Variants in RNF38 observed in about 807,000 individuals in gnomAD.
RNF38 encodes E3 ubiquitin-protein ligase RNF38.
In RNF38, 15 loss-of-function variants were observed where a neutral mutation model predicts 67.2. The observed-to-expected ratio is 0.22, with a 90% confidence interval of 0.15 to 0.34. The LOEUF is 0.34. Among genes scored for constraint, RNF38 ranks in the 10% least tolerant of loss-of-function variants. The probability of loss-of-function intolerance (pLI) is 1.00; values close to 1 mark genes in which losing one functional copy is unlikely to be tolerated. For missense variants in RNF38, 524 were observed against 639.9 expected (o/e 0.82, Z 1.95); for synonymous variants, 220 against 218.8 (o/e 1.01, Z -0.05).
At chr9:36,353,866 T>C (rs1206411594) in intron 6 of RNF38, among the ~76,000 whole-genome samples, 1 of 152,200 alleles carries the variant, frequency 6.6e-6, no homozygotes, top group Non-Finnish European at 1.5e-5. Context: ...TCAGATAAAT[T>C]ACTTAATCTG....
intron 1 of RNF38, among the ~76,000 whole-genome samples, chr9:36,463,080 C>G (rs757948539): frequency 1.3e-5 from 2 of 152,048 alleles, no homozygotes; most frequent in African/African-American, 2.4e-5. Context: ...ATTTAAATAG[C>G]ACCTGCTTTC....
intron 2 of RNF38, among the ~76,000 whole-genome samples, chr9:36,422,238 T>C (rs1564056523): frequency 6.6e-6 from 1 of 150,696 alleles, no homozygotes; most frequent in East Asian, 1.9e-4. Context: ...CTCAAAATAA[T>C]AAACAAACAA....
Position 36,376,050 on chromosome 9 carries a change from G to A in RNF38, c.240C>T (p.Pro80=). 13 of 1,613,416 alleles carry A rather than the reference G, an allele frequency of 8.1e-6. No homozygotes were observed. Among genetic ancestry groups the A allele is most frequent in the Non-Finnish European group, 1.1e-5 (13 of 1,179,776 alleles). The change falls in exon 3 of 12, where the codon CCC becomes CCT. Residue 80 remains proline, a synonymous_variant. Coordinates refer to ENST00000259605, the MANE Select transcript of RNF38 (RefSeq NM_022781.5). The part of the protein sequence containing the change: ...VFDYTSASPA[P]SPPMRPWEMT... ...TCTCCCATGGTCGCATTGGTGGTGA[G>A]GGAGCTGGTGATGCTGATGTATAAT... is the stretch of plus-strand genomic sequence containing the variant.
chr9:36,422,238 T>TAAAC (rs572681613), intron 2 of RNF38, among the ~76,000 whole-genome samples: 62 of 150,814 alleles, frequency 4.1e-4, no homozygotes, highest in East Asian at 1.8e-3. Context: ...CTCAAAATAA[T>TAAAC]AAACAAACAA....
At chr9:36,389,215 G>A (rs1222168560) in intron 2 of RNF38, among the ~76,000 whole-genome samples, 1 of 151,962 alleles carries the variant, frequency 6.6e-6, no homozygotes, top group Admixed American at 6.6e-5. Context: ...ACACTCAAAT[G>A]CAATTGGCTC....
intron 2 of RNF38, among the ~76,000 whole-genome samples, chr9:36,378,656 G>C (rs527925972): frequency 1.3e-5 from 2 of 152,068 alleles, no homozygotes; most frequent in Non-Finnish European, 2.9e-5. Flanking sequence ...TCACGATAAA[G>C]GTCAAATGAC....
At chr9:36,425,219 T>C (rs1362739129) in intron 1 of RNF38, among the ~76,000 whole-genome samples, 1 of 152,220 alleles carries the variant, frequency 6.6e-6, no homozygotes, top group Non-Finnish European at 1.5e-5. Flanking sequence ...TCTTTAATAA[T>C]AGTTACATTT....
At chr9:36,487,238 A>G in intron 1 of RNF38, 1 of 926,624 alleles carries the variant, frequency 1.1e-6, no homozygotes, top group Non-Finnish European at 1.3e-6. Context: ...CCTGGACCAC[A>G]CGCCTCCGGC....
intron 2 of RNF38, among the ~76,000 whole-genome samples, chr9:36,384,344 G>A (rs1836435216): frequency 1.3e-5 from 2 of 152,212 alleles, no homozygotes; most frequent in Admixed American, 1.3e-4. Context: ...AACAGCTGAA[G>A]CTCAGAGGGT....
At chr9:36,357,105 T>C (rs1003343672) in intron 5 of RNF38, among the ~76,000 whole-genome samples, 1 of 152,194 alleles carries the variant, frequency 6.6e-6, no homozygotes, top group African/African-American at 2.4e-5. Flanking sequence ...TTGTTGACCT[T>C]AGATACATCA....
rs961218043 is a variant in RNF38 at position 36,339,478 on chromosome 9, A to G, written c.*274T>C. The G allele has an allele frequency of 8.8e-5, 37 of 418,664 alleles. No individual in the cohort carries two copies. Among genetic ancestry groups the G allele is most frequent in the African/African-American group, 6.7e-4 (34 of 50,982 alleles). 25.9% of individuals were successfully genotyped at this position (418,664 alleles called of 1,614,324 possible). A position where few individuals can be genotyped will look rare whatever the true frequency, so the allele number is the denominator to read the frequency against. ...TAATCTTGCAGCAACACTCGGAATG[A>G]TCACACAAAAACCAGGGAATGTTAG... On this transcript the variant is annotated 3_prime_UTR_variant, in exon 12 of 12. Coordinates refer to ENST00000259605, the MANE Select transcript of RNF38 (RefSeq NM_022781.5).
chr9:36,372,520 T>C, intron 3 of RNF38: 2 of 715,104 alleles, frequency 2.8e-6, no homozygotes, highest in Non-Finnish European at 5.2e-6. Context: ...TCCTGCTAGA[T>C]TATTGTTAAA....
At chr9:36,473,828 T>C (rs1208394045) in intron 1 of RNF38, among the ~76,000 whole-genome samples, 1 of 148,272 alleles carries the variant, frequency 6.7e-6, no homozygotes, top group East Asian at 2.0e-4. Context: ...CTACTAAAAA[T>C]ACAAAAAAAT....
At chr9:36,485,859 T>G (rs1298588868) in intron 1 of RNF38, among the ~76,000 whole-genome samples, 1 of 152,204 alleles carries the variant, frequency 6.6e-6, no homozygotes, top group Non-Finnish European at 1.5e-5. Context: ...CCTGTGGGTC[T>G]GCATCCTTAG....
intron 1 of RNF38, among the ~76,000 whole-genome samples, chr9:36,485,303 G>C (rs980662389): frequency 7.2e-6 from 1 of 139,602 alleles, no homozygotes; most frequent in African/African-American, 3.3e-5. Flanking sequence ...GATCTCTTAG[G>C]GTATATATAC....
intron 1 of RNF38, among the ~76,000 whole-genome samples, chr9:36,464,823 T>A (rs955477459): frequency 6.6e-6 from 1 of 152,150 alleles, no homozygotes; most frequent in East Asian, 1.9e-4. Context: ...TCCAAAAATA[T>A]GTAATATATA....
chr9:36,440,978 CA>C (rs1014673201), intron 1 of RNF38, among the ~76,000 whole-genome samples: 1 of 152,144 alleles, frequency 6.6e-6, no homozygotes, highest in African/African-American at 2.4e-5. Context: ...CATGGGCAGA[CA>C]CATTTTTACT....
At chr9:36,428,282 G>A (rs1232960640) in intron 1 of RNF38, among the ~76,000 whole-genome samples, 2 of 151,932 alleles carry the variant, frequency 1.3e-5, no homozygotes, top group East Asian at 3.9e-4. Context: ...TGGGCATGGT[G>A]GCACGCACCT....
At chr9:36,438,584 C>A (rs1035763092) in intron 1 of RNF38, among the ~76,000 whole-genome samples, 14 of 151,990 alleles carry the variant, frequency 9.2e-5, no homozygotes, top group East Asian at 1.9e-4. Flanking sequence ...TACACACTTA[C>A]AAGCAGAAGA....
Sources: gnomAD v4.1 joint callset for allele counts (sites outside exome capture counted in the v4.1 genomes callset) on GRCh38, gnomAD v4.1.1 for gene constraint, MANE v1.5 for transcripts, NCBI Gene and HGNC (gene_info 2026-07-23, HGNC 2026-07-21) for gene names.